Variants in GULP1 observed in about 807,000 individuals in gnomAD.
GULP1 encodes PTB domain-containing engulfment adapter protein 1.
Under a neutral mutation model 40.9 loss-of-function variants are expected in GULP1, and 19 were observed. The ratio of observed to expected loss-of-function variants is 0.46; its 90% CI spans 0.32 to 0.68. GULP1 has a LOEUF of 0.68. Among genes scored for constraint, GULP1 ranks in the 30% least tolerant of loss-of-function variants. GULP1 has a pLI of 0.03. For missense variants in GULP1, 312 were observed against 362.2 expected, an observed-to-expected ratio of 0.86 and a Z score of 1.12; for synonymous variants, 119 against 117.6, an observed-to-expected ratio of 1.01 and a Z score of -0.08.
intron 2 of GULP1, among the ~76,000 whole-genome samples, chr2:188,386,942 A>C (rs2049848250): frequency 6.6e-6 from 1 of 152,184 alleles, no homozygotes; most frequent in Admixed American, 6.5e-5. Context: ...CTAGAGGAAA[A>C]GTGAATGTTA....
At chr2:188,495,486 A>T (rs889628365) in intron 4 of GULP1, among the ~76,000 whole-genome samples, 1 of 152,008 alleles carries the variant, frequency 6.6e-6, no homozygotes, top group Non-Finnish European at 1.5e-5. Flanking sequence ...ATAACAACAA[A>T]CTCACTTATC....
intron 2 of GULP1, among the ~76,000 whole-genome samples, chr2:188,414,121 G>C (rs191241019): frequency 6.6e-6 from 1 of 151,168 alleles, no homozygotes. Context: ...GGAAGCTGTG[G>C]CAGGAGAATT....
chr2:188,406,688 A>G (rs571743712), intron 2 of GULP1, among the ~76,000 whole-genome samples: 28 of 152,104 alleles, frequency 1.8e-4, no homozygotes, highest in Non-Finnish European at 3.7e-4. Context: ...CAAAACAAAA[A>G]ATAAAAAGGA....
chr2:188,481,316 G>A (rs1041608295), intron 3 of GULP1, among the ~76,000 whole-genome samples: 1 of 151,852 alleles, frequency 6.6e-6, no homozygotes, highest in African/African-American at 2.4e-5. Flanking sequence ...CTATCTATAA[G>A]TTAATATAAA....
At chr2:188,483,864 G>A (rs2061632229) in intron 4 of GULP1, among the ~76,000 whole-genome samples, 1 of 151,894 alleles carries the variant, frequency 6.6e-6, no homozygotes, top group South Asian at 2.1e-4. Flanking sequence ...AGAGAAATGA[G>A]CTGCAATTTT....
intron 10 of GULP1, among the ~76,000 whole-genome samples, 193 bp downstream of exon 10, chr2:188,584,596 A>G (rs1247267944): frequency 6.6e-6 from 1 of 151,948 alleles, no homozygotes; most frequent in African/African-American, 2.4e-5. Flanking sequence ...ACTACTAATG[A>G]CATCTCTGCT....
intron 2 of GULP1, among the ~76,000 whole-genome samples, chr2:188,407,523 T>TA (rs1182699434): frequency 6.6e-6 from 1 of 152,192 alleles, no homozygotes; most frequent in Non-Finnish European, 1.5e-5. Flanking sequence ...AGTGATATGG[T>TA]AAAAGTGTAG....
chr2:188,538,572 C>G (rs1650132193), intron 6 of GULP1, among the ~76,000 whole-genome samples: 2 of 151,816 alleles, frequency 1.3e-5, no homozygotes, highest in African/African-American at 4.8e-5. Context: ...AGTACCATTT[C>G]TTGAATGCAT....
intron 7 of GULP1, among the ~76,000 whole-genome samples, chr2:188,553,104 T>G (rs1360190060): frequency 6.6e-6 from 1 of 151,970 alleles, no homozygotes; most frequent in East Asian, 1.9e-4. Flanking sequence ...AATTAGGTTT[T>G]TCTAGATATA....
Position 188,595,219 on chromosome 2 carries a change from G to A in GULP1, c.*1208G>A, listed in dbSNP as rs1216797672. 1 of 151,486 alleles carries A rather than the reference G, an allele frequency of 6.6e-6. No individual in the cohort carries two copies. The allele number at this position is 151,486 out of a possible 1,614,324, so 9.4% of individuals were successfully genotyped here. A position where few individuals can be genotyped will look rare whatever the true frequency, so the allele number is the denominator to read the frequency against. Reference sequence around the variant, plus strand: ...TACCTAACAGACTAATTTGTACTCAGTAAAACAAAAATTTATGGTCAAAAT... The same window carrying A: ...TACCTAACAGACTAATTTGTACTCAATAAAACAAAAATTTATGGTCAAAAT... On this transcript the variant is annotated 3_prime_UTR_variant, in exon 12 of 12. Transcript: ENST00000409830.
intron 6 of GULP1, among the ~76,000 whole-genome samples, chr2:188,534,135 TG>T (rs1688296327): frequency 6.6e-6 from 1 of 152,132 alleles, no homozygotes; most frequent in Non-Finnish European, 1.5e-5. Context: ...TGTATATACT[TG>T]GTATATATCC....
chr2:188,458,391 C>T (rs550545597), intron 2 of GULP1, among the ~76,000 whole-genome samples: 3 of 152,128 alleles, frequency 2.0e-5, no homozygotes, highest in Non-Finnish European at 4.4e-5. Context: ...TACCTTATTT[C>T]TCTGTTTCCA....
chr2:188,320,632 A>T (rs181335434), intron 1 of GULP1, among the ~76,000 whole-genome samples: 28 of 152,056 alleles, frequency 1.8e-4, no homozygotes, highest in Admixed American at 1.5e-3. Flanking sequence ...ATGTTTTGTT[A>T]AAAAAAATAA....
At chr2:188,552,314 G>A (rs1405548879) in intron 7 of GULP1, among the ~76,000 whole-genome samples, 2 of 151,680 alleles carry the variant, frequency 1.3e-5, no homozygotes, top group Non-Finnish European at 3.0e-5. Flanking sequence ...TTACATTTAA[G>A]TTTTTAGGCC....
Position 188,540,586 on chromosome 2 carries a change from A to G in GULP1, c.262-595A>G, listed in dbSNP as rs568112213. Among the ~76,000 whole-genome samples, 5 of 152,132 alleles carry G rather than the reference A, an allele frequency of 3.3e-5. No individual in the cohort carries two copies. The South Asian group carries it at 1.0e-3, about 32-fold the overall frequency. ...CATTTATTGCTTCATGAAAAATGCTACAGAAGTTCCAAAGATGAGCTTCCT... is the reference window on the plus strand; with the variant it reads ...CATTTATTGCTTCATGAAAAATGCTGCAGAAGTTCCAAAGATGAGCTTCCT... On this transcript the variant is annotated intron_variant, in intron 6 of 11. Transcript: ENST00000409830.
chr2:188,383,863 C>A lies in GULP1; in HGVS notation c.-71C>A, dbSNP rs1259284684. On this transcript the variant is annotated 5_prime_UTR_variant, in exon 2 of 12. Coordinates refer to ENST00000409830, the MANE Select transcript of GULP1 (RefSeq NM_016315.4). ...CTATATAAAGTCAAGTGTCCATTTT[C>A]TTTCAACTATATTTGAGCATACCCA... The A allele has an allele frequency of 6.6e-6, 1 of 152,128 alleles. No homozygotes were observed. Among genetic ancestry groups the A allele is most frequent in the Non-Finnish European group, 1.5e-5 (1 of 68,002 alleles). 9.4% of individuals were successfully genotyped at this position (152,128 alleles called of 1,614,324 possible).
intron 2 of GULP1, among the ~76,000 whole-genome samples, chr2:188,403,928 G>A (rs2052676085): frequency 3.9e-5 from 6 of 152,282 alleles, no homozygotes; most frequent in South Asian, 4.1e-4. Flanking sequence ...CAGATGATTA[G>A]CAATGGTGAG....
At chr2:188,324,575 AATTTAAATTGGTATTTAAGAAAT>A (rs1480413146) in intron 1 of GULP1, among the ~76,000 whole-genome samples, 6 of 152,038 alleles carry the variant, frequency 3.9e-5, no homozygotes, top group Non-Finnish European at 8.8e-5. Context: ...GTATTTAAAC[AATTTAAATTGGTATTTAAGAAAT>A]ATTTAAAAAG....
Position 188,489,005 on chromosome 2 carries a change from A to T in GULP1, c.90+5513A>T, listed in dbSNP as rs74370039. Among the ~76,000 whole-genome samples, 222 of 150,978 alleles carry T rather than the reference A, an allele frequency of 1.5e-3. No individual in the cohort carries two copies. The East Asian group carries it at 0.018, about 12-fold the overall frequency. ...TCATAGTAAAGACGGGTCTTAATAT[A>T]AAAAAAAATAATTTTACTAATGCTC... On this transcript the variant is annotated intron_variant, in intron 4 of 11. Transcript: ENST00000409830.
Sources: allele counts gnomAD v4.1 joint callset (sites outside exome capture counted in the v4.1 genomes callset), GRCh38; gene constraint gnomAD v4.1.1; transcripts MANE v1.5; gene names NCBI Gene and HGNC (gene_info 2026-07-23, HGNC 2026-07-21).